The following CNTN4 variants were observed in gnomAD, a reference collection of about 807,000 sequenced individuals.
CNTN4 encodes the protein contactin-4.
A neutral mutation model predicts 122.5 loss-of-function variants in CNTN4; 77 were observed. The observed-to-expected ratio is 0.63, with a 90% CI of 0.52 to 0.76. The LOEUF (loss-of-function observed/expected upper bound fraction) is 0.76, where lower values mean the gene tolerates loss of function less well. Ranked by LOEUF, CNTN4 falls within the 30% of genes least tolerant of loss-of-function variation. The probability of loss-of-function intolerance (pLI) is 0.00; values close to 1 mark genes in which losing one functional copy is unlikely to be tolerated. For missense variants in CNTN4, 1,256 were observed against 1,259.1 expected (o/e 1.00, Z 0.04); for synonymous variants, 512 against 447.0 (o/e 1.15, Z -1.83).
At chr3:2,571,269 A>G in intron 3 of CNTN4, 147 bp from the exon 4 acceptor site, 1 of 578,352 alleles carries the variant, frequency 1.7e-6, no homozygotes, top group Non-Finnish European at 3.1e-6. Flanking sequence ...TTAGCTTTAT[A>G]TTCATAATTT....
intron 3 of CNTN4, among the ~76,000 whole-genome samples, chr3:2,428,077 G>A (rs553761216): frequency 1.4e-4 from 21 of 152,194 alleles, no homozygotes; most frequent in Admixed American, 1.2e-3. Context: ...TTACATTTAA[G>A]GTTAATATTG....
chr3:2,536,317 C>G (rs1420211774), intron 3 of CNTN4, among the ~76,000 whole-genome samples: 1 of 152,150 alleles, frequency 6.6e-6, no homozygotes, highest in Non-Finnish European at 1.5e-5. Flanking sequence ...CCTAATCCTA[C>G]TGCTTTTAGG....
intron 3 of CNTN4, among the ~76,000 whole-genome samples, chr3:2,400,946 A>AATAGTTT (rs771870223): frequency 0.011 from 1,727 of 152,036 alleles, 19 homozygotes; most frequent in Middle Eastern, 0.021. Flanking sequence ...TTCTTCTTAG[A>AATAGTTT]CTTCTTATAG....
intron 4 of CNTN4, among the ~76,000 whole-genome samples, chr3:2,650,810 G>C (rs1422708538): frequency 6.6e-6 from 1 of 152,200 alleles, no homozygotes. Context: ...TTAAACTGCA[G>C]TATAGTGTAA....
chr3:2,935,012 TGCAGTTGCAAA>T (rs2094555856), intron 13 of CNTN4, among the ~76,000 whole-genome samples: 1 of 152,198 alleles, frequency 6.6e-6, no homozygotes, highest in South Asian at 2.1e-4. Context: ...TCTCCTGAAG[TGCAGTTGCAAA>T]AGTGTTTAGG....
intron 6 of CNTN4, among the ~76,000 whole-genome samples, chr3:2,765,963 A>G (rs1038394426): frequency 2.0e-5 from 3 of 152,226 alleles, no homozygotes; most frequent in Non-Finnish European, 4.4e-5. Flanking sequence ...GGATTTGGGC[A>G]GTGGGAGAGG....
intron 2 of CNTN4, among the ~76,000 whole-genome samples, chr3:2,150,955 G>A (rs2035468410): frequency 6.6e-6 from 1 of 152,060 alleles, no homozygotes; most frequent in African/African-American, 2.4e-5. Context: ...AGTTCCTACT[G>A]GTCCACCGGG....
At chr3:3,048,516 CTGTG>C (rs765657967) in intron 23 of CNTN4, among the ~76,000 whole-genome samples, 14,560 of 112,666 alleles carry the variant, frequency 0.13, 1,024 homozygotes, top group African/African-American at 0.22. Context: ...CTCTCTCTCT[CTGTG>C]TGTGTGTGTG....
intron 4 of CNTN4, among the ~76,000 whole-genome samples, chr3:2,643,440 T>A (rs2082983700): frequency 6.6e-6 from 1 of 152,172 alleles, no homozygotes; most frequent in Admixed American, 6.5e-5. Flanking sequence ...CCCAAAGTGC[T>A]GGGTTACAGT....
chr3:2,879,268 C>T (rs1003869860), intron 8 of CNTN4, among the ~76,000 whole-genome samples: 6 of 152,094 alleles, frequency 3.9e-5, no homozygotes, highest in Non-Finnish European at 7.3e-5. Context: ...CAATGAATGC[C>T]AAGGATTGAC....
At chr3:2,154,804 A>T (rs996035324) in intron 2 of CNTN4, among the ~76,000 whole-genome samples, 7 of 152,234 alleles carry the variant, frequency 4.6e-5, no homozygotes, top group Non-Finnish European at 8.8e-5. Flanking sequence ...TTTAACAAAC[A>T]ATACAGAAAA....
chr3:2,884,655 A>T (rs1343904035), intron 9 of CNTN4, among the ~76,000 whole-genome samples: 1 of 152,174 alleles, frequency 6.6e-6, no homozygotes, highest in East Asian at 1.9e-4. Context: ...ATTTATATAT[A>T]TGAAATTAAA....
chr3:2,220,297 T>C (rs183111611), intron 2 of CNTN4, among the ~76,000 whole-genome samples: 6 of 152,198 alleles, frequency 3.9e-5, no homozygotes, highest in African/African-American at 1.2e-4. Flanking sequence ...TTGTGTTCTA[T>C]GTAGGTGAGG....
chr3:2,386,532 G>T (rs2046263708), intron 3 of CNTN4, among the ~76,000 whole-genome samples: 1 of 152,160 alleles, frequency 6.6e-6, no homozygotes, highest in Admixed American at 6.5e-5. Context: ...GAAAATATTT[G>T]TTGGAAAAGA....
chr3:2,186,203 G>A (rs1320637329), intron 2 of CNTN4, among the ~76,000 whole-genome samples: 1 of 151,546 alleles, frequency 6.6e-6, no homozygotes, highest in Non-Finnish European at 1.5e-5. Context: ...TCCTTGCGAT[G>A]GTTTGCTGAG....
At chr3:2,747,433 A>T (rs543233402) in intron 6 of CNTN4, among the ~76,000 whole-genome samples, 50 of 7,488 alleles carry the variant, frequency 6.7e-3, no homozygotes, top group African/African-American at 0.01. Context: ...AATAAAAATA[A>T]AAAATAAAAT....
At chr3:3,048,684 C>T (rs1374161153) in intron 23 of CNTN4, among the ~76,000 whole-genome samples, 1 of 152,116 alleles carries the variant, frequency 6.6e-6, no homozygotes, top group Non-Finnish European at 1.5e-5. Context: ...GAAGAGTTGA[C>T]CTTTGCTAGA....
intron 3 of CNTN4, among the ~76,000 whole-genome samples, chr3:2,458,058 A>G (rs1440237815): frequency 6.6e-6 from 1 of 152,112 alleles, no homozygotes; most frequent in Non-Finnish European, 1.5e-5. Flanking sequence ...CTTCATTTGC[A>G]TGGAAGTGAT....
intron 2 of CNTN4, among the ~76,000 whole-genome samples, chr3:2,116,104 T>G (rs2033334207): frequency 1.3e-5 from 2 of 152,174 alleles, no homozygotes; most frequent in South Asian, 4.1e-4. Context: ...CTTCAAATCC[T>G]CTTTCATACA....
Sources: allele counts gnomAD v4.1 joint callset (sites outside exome capture counted in the v4.1 genomes callset), GRCh38; gene constraint gnomAD v4.1.1; transcripts MANE v1.5; gene names NCBI Gene and HGNC (gene_info 2026-07-23, HGNC 2026-07-21).